The following GRM3 variants were observed in gnomAD, a reference collection of about 807,000 sequenced individuals.
GRM3 encodes the protein metabotropic glutamate receptor 3.
A neutral mutation model predicts 70.5 loss-of-function variants in GRM3; 26 were observed. That is an observed-to-expected ratio of 0.37 (90% CI 0.27 to 0.51). The LOEUF is 0.51. GRM3 is among the 20% of genes least tolerant of loss of function. The probability of loss-of-function intolerance (pLI) is 0.93; values close to 1 mark genes in which losing one functional copy is unlikely to be tolerated. For synonymous variants in GRM3, 443 were observed against 434.9 expected, an observed-to-expected ratio of 1.02 and a Z score of -0.23; for missense variants, 859 against 1,123.8, an observed-to-expected ratio of 0.76 and a Z score of 3.37.
At chr7:86,796,405 C>T (rs1797551217) in intron 3 of GRM3, among the ~76,000 whole-genome samples, 1 of 152,118 alleles carries the variant, frequency 6.6e-6, no homozygotes, top group Non-Finnish European at 1.5e-5. Context: ...GATCTCTATT[C>T]TGTTCCATTG....
At chr7:86,736,495 G>A (rs1262139833) in intron 1 of GRM3, among the ~76,000 whole-genome samples, 4 of 152,182 alleles carry the variant, frequency 2.6e-5, no homozygotes, top group African/African-American at 7.2e-5. Flanking sequence ...TTGGGGTTTT[G>A]AGACAGAGTC....
intron 2 of GRM3, among the ~76,000 whole-genome samples, chr7:86,769,099 G>A (rs909960049): frequency 2.0e-5 from 3 of 152,074 alleles, no homozygotes; most frequent in Non-Finnish European, 4.4e-5. Flanking sequence ...TTGGAGAGAA[G>A]ATTTCTCTGG....
chr7:86,675,033 A>G (rs1794271889), intron 1 of GRM3, among the ~76,000 whole-genome samples: 1 of 152,142 alleles, frequency 6.6e-6, no homozygotes, highest in African/African-American at 2.4e-5. Context: ...ACTTGCACAT[A>G]TTCTCTTTAT....
rs946286141 is a variant in GRM3, at chr7:86,644,581, C to A, written c.-432C>A. ...TCTTCTACTCCACCCCTCCGTTTTCCCACTCCCCACTGACTCGGATGCCTG... is the reference window on the plus strand; with the variant it reads ...TCTTCTACTCCACCCCTCCGTTTTCACACTCCCCACTGACTCGGATGCCTG... On this transcript the variant is annotated 5_prime_UTR_variant, in exon 1 of 6. Transcript: ENST00000361669. 7.4e-6 allele frequency: 3 copies of A among 407,778 alleles called. No individual in the cohort carries two copies. Among genetic ancestry groups the A allele is most frequent in the Non-Finnish European group, 1.5e-5 (3 of 203,534 alleles). 25.3% of individuals were successfully genotyped at this position (407,778 alleles called of 1,614,324 possible). A position where few individuals can be genotyped will look rare whatever the true frequency, so the allele number is the denominator to read the frequency against.
At chr7:86,779,681 G>A (rs1796992993) in intron 2 of GRM3, among the ~76,000 whole-genome samples, 1 of 152,152 alleles carries the variant, frequency 6.6e-6, no homozygotes, top group Non-Finnish European at 1.5e-5. Flanking sequence ...CAGAGAATGG[G>A]CACACAAGTC....
intron 1 of GRM3, among the ~76,000 whole-genome samples, chr7:86,694,751 T>G (rs1417651913): frequency 6.6e-6 from 1 of 152,182 alleles, no homozygotes; most frequent in East Asian, 1.9e-4. Context: ...AGTTAGGTCA[T>G]TTTTCAGGTT....
chr7:86,686,106 A>G (rs1794560367), intron 1 of GRM3, among the ~76,000 whole-genome samples: 1 of 152,132 alleles, frequency 6.6e-6, no homozygotes, highest in African/African-American at 2.4e-5. Context: ...ATAAACCATT[A>G]AACCCCTGGA....
chr7:86,824,897 T>G (rs1472074438), intron 3 of GRM3, among the ~76,000 whole-genome samples: 1 of 150,678 alleles, frequency 6.6e-6, no homozygotes, highest in African/African-American at 2.5e-5. Context: ...TTTATCTATC[T>G]TATTAATTGA....
intron 3 of GRM3, among the ~76,000 whole-genome samples, chr7:86,836,948 AC>A (rs887897665): frequency 6.6e-6 from 1 of 152,074 alleles, no homozygotes; most frequent in Non-Finnish European, 1.5e-5. Context: ...CTACTACATC[AC>A]CCTGTGTTAC....
chr7:86,675,303 A>G (rs1304670391), intron 1 of GRM3, among the ~76,000 whole-genome samples: 1 of 152,088 alleles, frequency 6.6e-6, no homozygotes, highest in Non-Finnish European at 1.5e-5. Context: ...GACATCCCCC[A>G]TAGGAGGTCA....
chr7:86,790,405 T>C (rs143546282), intron 3 of GRM3, among the ~76,000 whole-genome samples: 1 of 152,304 alleles, frequency 6.6e-6, no homozygotes, highest in African/African-American at 2.4e-5. Flanking sequence ...CATACCACCA[T>C]CTCTAGCCTA....
At chr7:86,806,445 C>A (rs1797795065) in intron 3 of GRM3, among the ~76,000 whole-genome samples, 1 of 152,146 alleles carries the variant, frequency 6.6e-6, no homozygotes, top group Admixed American at 6.5e-5. Context: ...GCCATTCTAA[C>A]TGGTGTGAGA....
chr7:86,752,676 T>C (rs1037456781), intron 1 of GRM3, among the ~76,000 whole-genome samples: 1 of 152,054 alleles, frequency 6.6e-6, no homozygotes, highest in Non-Finnish European at 1.5e-5. Context: ...TAAAGACTAA[T>C]AAGTGTTATA....
At chr7:86,755,549 G>A (rs1334869066) in intron 1 of GRM3, among the ~76,000 whole-genome samples, 3 of 152,052 alleles carry the variant, frequency 2.0e-5, no homozygotes, top group African/African-American at 7.2e-5. Flanking sequence ...ATGCTCAAAG[G>A]GCTTGGTAGG....
At chr7:86,718,661 G>A (rs1795380430) in intron 1 of GRM3, among the ~76,000 whole-genome samples, 1 of 152,048 alleles carries the variant, frequency 6.6e-6, no homozygotes, top group East Asian at 1.9e-4. Flanking sequence ...TGGGAGAGAT[G>A]GTGTAGAGAA....
intron 1 of GRM3, among the ~76,000 whole-genome samples, chr7:86,724,069 A>T (rs987861984): frequency 5.3e-5 from 8 of 152,182 alleles, no homozygotes; most frequent in African/African-American, 1.9e-4. Context: ...TAGCCTTTGC[A>T]GCTATTACTT....
At chr7:86,674,360 G>C (rs529559974) in intron 1 of GRM3, among the ~76,000 whole-genome samples, 2 of 152,216 alleles carry the variant, frequency 1.3e-5, no homozygotes, top group Middle Eastern at 6.8e-3. Context: ...AGATCCAAGA[G>C]AAAGAGAACA....
chr7:86,717,650 A>G (rs1052192387), intron 1 of GRM3, among the ~76,000 whole-genome samples: 5 of 151,960 alleles, frequency 3.3e-5, no homozygotes, highest in Non-Finnish European at 5.9e-5. Context: ...ATTTTAGAGC[A>G]AGCCAAATGC....
chr7:86,708,462 T>C (rs1202540217), intron 1 of GRM3, among the ~76,000 whole-genome samples: 1 of 152,186 alleles, frequency 6.6e-6, no homozygotes. Context: ...TAAATGCTGA[T>C]TGAGGGCATG....
Sources: allele counts gnomAD v4.1 joint callset (sites outside exome capture counted in the v4.1 genomes callset), GRCh38; gene constraint gnomAD v4.1.1; transcripts MANE v1.5; gene names NCBI Gene and HGNC (gene_info 2026-07-23, HGNC 2026-07-21).